PLXNA1: variants seen among roughly 807,000 people sequenced by gnomAD.
The protein encoded by PLXNA1 is plexin-A1.
A neutral mutation model predicts 191.7 loss-of-function variants in PLXNA1; 77 were observed. The ratio of observed to expected loss-of-function variants is 0.40; its 90% CI spans 0.33 to 0.49. The LOEUF is 0.49. Among genes scored for constraint, PLXNA1 ranks in the 20% least tolerant of loss-of-function variants. PLXNA1 has a pLI of 0.63. For synonymous variants in PLXNA1, 1,137 were observed against 1,156.4 expected (o/e 0.98, Z 0.34); for missense variants, 2,110 against 2,660.2 (o/e 0.79, Z 4.55).
intron 10 of PLXNA1, among the ~76,000 whole-genome samples, chr3:127,013,495 G>A (rs961026326): frequency 6.6e-6 from 1 of 152,232 alleles, no homozygotes; most frequent in Non-Finnish European, 1.5e-5. Context: ...GGCTCCCGGG[G>A]AGGGGCAGTT....
At chr3:127,019,484 G>A (rs1390970660) in intron 20 of PLXNA1, among the ~76,000 whole-genome samples, 2 of 152,216 alleles carry the variant, frequency 1.3e-5, no homozygotes, top group African/African-American at 2.4e-5. Context: ...GCTGTCTGGC[G>A]AGGCTGGCGT....
intron 25 of PLXNA1, 123 bp from the exon 26 acceptor site, chr3:127,028,861 AGGGGCGGAG>A (rs984914726): frequency 1.6e-6 from 1 of 642,020 alleles, no homozygotes; most frequent in Non-Finnish European, 2.7e-6. Context: ...GTGCTGCAGC[AGGGGCGGAG>A]GTATGTCCCT....
Position 126,991,336 on chromosome 3 carries a change from C to T in PLXNA1, c.1195-48C>T, listed in dbSNP as rs374195733. 105 of 1,599,046 alleles carry T rather than the reference C, an allele frequency of 6.6e-5. No individual in the cohort carries two copies. The East Asian group carries it at 9.7e-4, about 15-fold the overall frequency. ...CCCTGCCCAGGGAGGCCCAGTCCTC[C>T]GGGAGAAGGTGCCCGGGGAGTGGCT... On this transcript the variant is annotated intron_variant, in intron 2 of 31. Coordinates refer to ENST00000393409, the MANE Select transcript of PLXNA1 (RefSeq NM_032242.4).
At chr3:127,028,476 G>T in intron 25 of PLXNA1, 136 bp downstream of exon 25, 1 of 989,048 alleles carries the variant, frequency 1.0e-6, no homozygotes, top group East Asian at 2.6e-5. Context: ...GTGGAATGGC[G>T]AGTGGGCTGT....
chr3:127,003,478 C>T lies in PLXNA1; in HGVS notation c.1518+8C>T. 1.3e-6 allele frequency: 2 copies of T among 1,594,808 alleles called. No individual in the cohort carries two copies. The highest frequency in any genetic ancestry group is 1.7e-6 in the Non-Finnish European group (2 of 1,167,186). ...GCCATGACCGAGAAGCAGGTGGGTGCTGCACCAGTCAGACGGTGTGGCTGA... is the reference window on the plus strand; with the variant it reads ...GCCATGACCGAGAAGCAGGTGGGTGTTGCACCAGTCAGACGGTGTGGCTGA... On this transcript the variant is annotated splice_region_variant and intron_variant, in intron 4 of 31. Coordinates refer to ENST00000393409, the MANE Select transcript of PLXNA1 (RefSeq NM_032242.4).
At position 127,004,993 on chromosome 3, in the gene PLXNA1, C is replaced by T. The variant is rs1239172806; in HGVS notation, c.1728C>T (p.Thr576=). The change falls in exon 6 of 32, where the codon ACC becomes ACT. Residue 576 remains threonine (T), a synonymous_variant. Transcript: ENST00000393409. The part of the protein sequence containing the change: ...LTVQPRNVSV[T]MSQVPLVLQA... ...TGCAGCCCCGCAATGTGTCTGTCAC[C>T]ATGTCCCAGGTCCCAGTAAGTGTGG... is the stretch of plus-strand genomic sequence containing the variant. 6.2e-7 allele frequency: 1 copy of T among 1,609,142 alleles called. No individual in the cohort carries two copies. Among genetic ancestry groups the T allele is most frequent in the Non-Finnish European group, 8.5e-7 (1 of 1,177,250 alleles).
Position 127,011,975 on chromosome 3 carries a change from G to T in PLXNA1, c.2130G>T (p.Leu710=). The T allele has an allele frequency of 6.2e-7, 1 of 1,613,470 alleles. No individual in the cohort carries two copies. The highest frequency in any genetic ancestry group is 8.5e-7 in the Non-Finnish European group (1 of 1,179,780). Residue 710 remains leucine (L), a synonymous_variant, in exon 10 of 32, where the codon CTG becomes CTT. Transcript: ENST00000393409. ...ATCCCCAGGACTGCCCACAGATCCT[G>T]CCCTCCACGCAGATCTACGTGCCAG... ...VNVSEDCPQI[L]PSTQIYVPVG... is the part of the protein sequence containing the mutation.
intron 15 of PLXNA1, among the ~76,000 whole-genome samples, chr3:127,015,858 G>A (rs909036058): frequency 6.6e-6 from 1 of 152,148 alleles, no homozygotes; most frequent in African/African-American, 2.4e-5. Flanking sequence ...TGCCTGCCCA[G>A]TGGGGTGTCC....
chr3:127,034,124 C>T lies in PLXNA1; in HGVS notation c.*107C>T, dbSNP rs377024211. ...GAGTGTCCGGTGGTGCTCGGGCCGC[C>T]GCAGTGCAGCGACTGCCCGGCCCTC... On this transcript the variant is annotated 3_prime_UTR_variant, in exon 32 of 32. Transcript: ENST00000393409. 1.2e-5 allele frequency: 12 copies of T among 1,024,586 alleles called. No individual in the cohort carries two copies. Among genetic ancestry groups the T allele is most frequent in the Middle Eastern group, 3.1e-4 (1 of 3,190 alleles). The allele number at this position is 1,024,586 out of a possible 1,614,324, so 63.5% of individuals were successfully genotyped here.
chr3:127,007,749 T>C (rs2107628591), intron 8 of PLXNA1, 50 bp from the exon 9 acceptor site: 1 of 1,179,102 alleles, frequency 8.5e-7, no homozygotes, highest in East Asian at 2.4e-5. Context: ...CATGGGTGAC[T>C]CCACGTGGTT....
rs1387361056 is a variant in PLXNA1 at position 127,011,807 on chromosome 3, C to A, written c.2113-151C>A. The A allele has an allele frequency of 1.5e-5, 11 of 733,940 alleles. 1 individual carries two copies. In the South Asian group the frequency reaches 1.7e-4, roughly 11 times the overall value. The allele number at this position is 733,940 out of a possible 1,614,324, so 45.5% of individuals were successfully genotyped here. On this transcript the variant is annotated intron_variant, in intron 9 of 31. Coordinates refer to ENST00000393409, the MANE Select transcript of PLXNA1 (RefSeq NM_032242.4). Reference sequence around the variant, plus strand: ...TCATAGTATGCAGTCACTGTCCCAGCCAGCGGTCCTCAGTTTGCCAGTGCA... The same window carrying A: ...TCATAGTATGCAGTCACTGTCCCAGACAGCGGTCCTCAGTTTGCCAGTGCA...
At chr3:127,005,940 G>C in intron 7 of PLXNA1, 139 bp from the exon 8 acceptor site, 1 of 716,512 alleles carries the variant, frequency 1.4e-6, no homozygotes, top group South Asian at 1.6e-5. Context: ...TGGGGGCTGA[G>C]GGGGCTGGAT....
chr3:127,032,759 C>T lies in PLXNA1; in HGVS notation c.5518C>T (p.Arg1840Cys). The change falls in exon 31 of 32, where the codon CGC (arginine) becomes TGC (cysteine). Residue 1840 changes from arginine (R) to cysteine (C), a missense_variant. By Grantham distance (180) the Arg-to-Cys change is radical. This residue lies in a region of PLXNA1 where 559 missense variants were observed against 911.5 expected (regional missense o/e 0.61). Transcript: ENST00000393409. ...DMSAYLAEQS[R>C]LHLSQFNSMS... is the part of the protein sequence containing the mutation. ...GAGTGCGTATCTGGCTGAGCAGTCC[C>T]GCCTGCACCTGAGCCAGTTCAACAG... The T allele has an allele frequency of 6.2e-7, 1 of 1,613,452 alleles. No individual in the cohort carries two copies. Among genetic ancestry groups the T allele is most frequent in the Non-Finnish European group, 8.5e-7 (1 of 1,180,008 alleles).
intron 25 of PLXNA1, chr3:127,028,701 G>A (rs2079189442): frequency 1.9e-6 from 1 of 539,464 alleles, no homozygotes; most frequent in Admixed American, 3.4e-5. Flanking sequence ...TGTGACTGGA[G>A]AGGCTGGGTC....
intron 3 of PLXNA1, among the ~76,000 whole-genome samples, chr3:127,002,295 G>A (rs182373674): frequency 2.6e-5 from 4 of 152,350 alleles, no homozygotes; most frequent in East Asian, 1.9e-4. Flanking sequence ...GAGCGGATGT[G>A]GGGGGTGGCC....
chr3:127,013,245 C>T (rs1249294759), intron 10 of PLXNA1, among the ~76,000 whole-genome samples: 1 of 152,254 alleles, frequency 6.6e-6, no homozygotes, highest in African/African-American at 2.4e-5. Context: ...TTTCCACCTG[C>T]GTCTCCCTCC....
At chr3:127,029,582 G>T in intron 27 of PLXNA1, 46 bp downstream of exon 27, 1 of 1,583,698 alleles carries the variant, frequency 6.3e-7, no homozygotes, top group Non-Finnish European at 8.7e-7. Context: ...TGGGTCCCTG[G>T]CCTGGGCAGG....
At chr3:127,021,528 A>G (rs2079152135) in intron 21 of PLXNA1, among the ~76,000 whole-genome samples, 1 of 152,170 alleles carries the variant, frequency 6.6e-6, no homozygotes, top group African/African-American at 2.4e-5. Flanking sequence ...TGTGGCCCTA[A>G]TCAAACCTCT....
chr3:127,029,143 G>A, intron 26 of PLXNA1, 47 bp downstream of exon 26: 2 of 1,439,124 alleles, frequency 1.4e-6, no homozygotes, highest in Non-Finnish European at 1.9e-6. Flanking sequence ...CTCCCCTTGG[G>A]GCTTCCACAG....
Sources: allele counts gnomAD v4.1 joint callset (sites outside exome capture counted in the v4.1 genomes callset), GRCh38; gene constraint gnomAD v4.1.1; regional missense constraint gnomAD v4.1.1; transcripts MANE v1.5; gene names NCBI Gene and HGNC (gene_info 2026-07-23, HGNC 2026-07-21).